Variants in KAZALD1 observed in about 807,000 individuals in gnomAD.
The protein encoded by KAZALD1 is kazal-type serine protease inhibitor domain-containing protein 1.
Under a neutral mutation model 27.7 loss-of-function variants are expected in KAZALD1, and 31 were observed. The ratio of observed to expected loss-of-function variants is 1.12; its 90% CI spans 0.84 to 1.51. The LOEUF (loss-of-function observed/expected upper bound fraction) is 1.51, where lower values mean the gene tolerates loss of function less well. KAZALD1 is among the 40% of genes most tolerant of loss of function. The pLI is 0.00. For missense variants in KAZALD1, 444 were observed against 408.9 expected (o/e 1.09, Z -0.74); for synonymous variants, 179 against 182.0 (o/e 0.98, Z 0.13).
downstream of KAZALD1, chr10:101,067,637 C>T (rs571145927): frequency 1.1e-3 from 372 of 336,344 alleles, 3 homozygotes; most frequent in Admixed American, 2.1e-3. Flanking sequence ...AGGGCCGCTT[C>T]GCCCGGCTGC....
chr10:101,064,609 C>G lies in KAZALD1; in HGVS notation c.781C>G (p.Gln261Glu). The G allele has an allele frequency of 6.2e-7, 1 of 1,613,896 alleles. No homozygotes were observed. The highest frequency in any genetic ancestry group is 2.2e-5 in the East Asian group (1 of 44,876). Residue 261 changes from glutamine (Q) to glutamate (E), a missense_variant, in exon 4 of 5, where the codon CAA becomes GAA. Physicochemically the swap from Gln to Glu is conservative, Grantham distance 29 (BLOSUM62 2). Coordinates refer to ENST00000370200, the MANE Select transcript of KAZALD1 (RefSeq NM_030929.5). The stretch of plus-strand genomic sequence containing the variant: ...CTGCCTTGGCCGCAATGCCCTGGGT[C>G]AAGTGGAGGCCCCTGCTAGCTTGAC... ...YRCLGRNALG[Q>E]VEAPASLTVL...
rs771851844 is a variant in KAZALD1 at position 101,064,594 on chromosome 10, C to T, written c.766C>T (p.Arg256Cys). ...SDEGTYRCLGRNALGQVEAPA... is the reference protein window; with the variant it reads ...SDEGTYRCLGCNALGQVEAPA... ...TGAGGGCACTTACCGCTGCCTTGGC[C>T]GCAATGCCCTGGGTCAAGTGGAGGC... The change falls in exon 4 of 5, where the codon CGC becomes TGC. Residue 256 changes from arginine to cysteine, a missense_variant. Transcript: ENST00000370200. 3.0e-5 allele frequency: 48 copies of T among 1,613,920 alleles called. No homozygotes were observed. The highest frequency in any genetic ancestry group is 3.3e-4 in the Middle Eastern group (2 of 5,976).
At chr10:101,063,971 G>A (rs1416547272) in intron 2 of KAZALD1, among the ~76,000 whole-genome samples, 2 of 152,252 alleles carry the variant, frequency 1.3e-5, no homozygotes, top group African/African-American at 4.8e-5. Context: ...TGGCTGCCAA[G>A]CTACAATGTA....
chr10:101,065,009 T>C lies in KAZALD1; in HGVS notation c.*89T>C. Reference sequence around the variant, plus strand: ...GACCTGGAAAGGGGAGCAGGGTCCCTTCATCGACTGCTTTCATGCTGTCAG... The same window carrying C: ...GACCTGGAAAGGGGAGCAGGGTCCCCTCATCGACTGCTTTCATGCTGTCAG... On this transcript the variant is annotated 3_prime_UTR_variant, in exon 5 of 5. Coordinates refer to ENST00000370200, the MANE Select transcript of KAZALD1 (RefSeq NM_030929.5). The C allele has an allele frequency of 1.1e-6, 1 of 882,858 alleles. No homozygotes were observed. The highest frequency in any genetic ancestry group is 1.9e-6 in the Non-Finnish European group (1 of 540,080). 54.7% of individuals were successfully genotyped at this position (882,858 alleles called of 1,614,324 possible). A position where few individuals can be genotyped will look rare whatever the true frequency, so the allele number is the denominator to read the frequency against.
At position 101,065,796 on chromosome 10, in the gene KAZALD1, C is replaced by T. The variant is rs190049505; in HGVS notation, c.*876C>T. Among the ~76,000 whole-genome samples, 25 of 152,362 alleles carry T rather than the reference C, an allele frequency of 1.6e-4. No individual in the cohort carries two copies. The East Asian group carries it at 2.5e-3, about 15-fold the overall frequency. ...ATGGCTGGAGGGAAGTTATCTTCCCCGTCTGCCCTCCATTGGGGCTGATAT... is the reference window on the plus strand; with the variant it reads ...ATGGCTGGAGGGAAGTTATCTTCCCTGTCTGCCCTCCATTGGGGCTGATAT... On this transcript the variant is annotated 3_prime_UTR_variant, in exon 5 of 5. Transcript: ENST00000370200.
chr10:101,064,575 C>A lies in KAZALD1; in HGVS notation c.747C>A (p.Gly249=), dbSNP rs752043343. 2 of 1,614,096 alleles carry A rather than the reference C, an allele frequency of 1.2e-6. No homozygotes were observed. Among genetic ancestry groups the A allele is most frequent in the South Asian group, 2.2e-5 (2 of 91,078 alleles). The part of the protein sequence containing the change: ...QIQAVRPSDE[G]TYRCLGRNAL... The stretch of plus-strand genomic sequence containing the variant: ...AGGCTGTGCGTCCCAGTGATGAGGG[C>A]ACTTACCGCTGCCTTGGCCGCAATG... Residue 249 remains glycine, a synonymous_variant, in exon 4 of 5, where the codon GGC becomes GGA. Coordinates refer to ENST00000370200, the MANE Select transcript of KAZALD1 (RefSeq NM_030929.5).
At chr10:101,067,586 GA>G, downstream of KAZALD1, 1 of 340,088 alleles carries the variant, frequency 2.9e-6, no homozygotes, top group Non-Finnish European at 5.8e-6. Flanking sequence ...GGGGCTGTCT[GA>G]AAATGACCCT....
At chr10:101,063,564 A>G (rs143225479) in intron 2 of KAZALD1, among the ~76,000 whole-genome samples, 1 of 152,286 alleles carries the variant, frequency 6.6e-6, no homozygotes, top group East Asian at 1.9e-4. Context: ...TTTAGGGATT[A>G]GTGAAGGGGA....
intron 4 of KAZALD1, 55 bp downstream of exon 4, chr10:101,064,703 T>C (rs1200964568): frequency 2.0e-5 from 32 of 1,610,446 alleles, no homozygotes; most frequent in Admixed American, 3.3e-5. Flanking sequence ...ATTCCAGTTG[T>C]GAATGTGTAA....
rs149170497 is a variant in KAZALD1, at chr10:101,063,425, A to C, written c.511+322A>C. ...GGCACATAACCTATGGTTTGCTCAG[A>C]GACCCCCCCGACTTTTCCCAGACCA... On this transcript the variant is annotated intron_variant, in intron 2 of 4. Coordinates refer to ENST00000370200, the MANE Select transcript of KAZALD1 (RefSeq NM_030929.5). Among the ~76,000 whole-genome samples the C allele has an allele frequency of 4.2e-3, 645 of 152,282 alleles. 2 individuals are homozygous for C. The highest frequency in any genetic ancestry group is 6.7e-3 in the Non-Finnish European group (455 of 68,016).
chr10:101,063,140 G>A, intron 2 of KAZALD1, 37 bp downstream of exon 2: 2 of 1,481,662 alleles, frequency 1.3e-6, no homozygotes, highest in Non-Finnish European at 8.9e-7. Flanking sequence ...CAGCACTTAG[G>A]TTTCCTAGAG....
At chr10:101,062,260 C>A in intron 1 of KAZALD1, 145 bp downstream of exon 1, 1 of 354,850 alleles carries the variant, frequency 2.8e-6, no homozygotes, top group Non-Finnish European at 5.1e-6. Flanking sequence ...TCGGGTGGTG[C>A]ACGGAAGTGG....
chr10:101,062,755 C>G lies in KAZALD1; in HGVS notation c.163C>G (p.Pro55Ala). 6.5e-7 allele frequency: 1 copy of G among 1,546,842 alleles called. No individual in the cohort carries two copies. Among genetic ancestry groups the G allele is most frequent in the Non-Finnish European group, 8.6e-7 (1 of 1,156,088 alleles). Residue 55 changes from proline to alanine, a missense_variant, in exon 2 of 5, where the codon CCC becomes GCC. By Grantham distance (27) the Pro-to-Ala change is conservative (BLOSUM62 -1). Coordinates refer to ENST00000370200, the MANE Select transcript of KAZALD1 (RefSeq NM_030929.5). Reference protein sequence around the residue: ...RLLAEGEGCAPCRPEECAAPR... With the variant: ...RLLAEGEGCAACRPEECAAPR... Reference sequence around the variant, plus strand: ...GCTAGCGGAGGGCGAGGGCTGCGCTCCCTGCCGGCCAGAAGAGTGCGCCGC... The same window carrying G: ...GCTAGCGGAGGGCGAGGGCTGCGCTGCCTGCCGGCCAGAAGAGTGCGCCGC...
intron 4 of KAZALD1, 32 bp from the exon 5 acceptor site, chr10:101,064,794 G>C (rs752369835): frequency 1.9e-6 from 3 of 1,609,750 alleles, no homozygotes; most frequent in Non-Finnish European, 2.6e-6. Context: ...CCTCTCTCCT[G>C]TTCTCTCTTC....
chr10:101,064,214 C>G (rs1318875671), intron 2 of KAZALD1, 47 bp from the exon 3 acceptor site: 5 of 1,606,682 alleles, frequency 3.1e-6, no homozygotes, highest in East Asian at 2.2e-5. Context: ...AGACTGGATG[C>G]CTTTGCTGGG....
downstream of KAZALD1, chr10:101,067,455 C>T (rs1158428945): frequency 7.9e-6 from 3 of 378,616 alleles, no homozygotes; most frequent in East Asian, 2.2e-4. Flanking sequence ...TCCGTCGGAC[C>T]AGCTCCTCCC....
chr10:101,064,622 C>T lies in KAZALD1; in HGVS notation c.794C>T (p.Pro265Leu), dbSNP rs763412141. The change falls in exon 4 of 5, where the codon CCT becomes CTT. Residue 265 changes from proline to leucine, a missense_variant. Pro to Leu is a moderately conservative substitution (Grantham distance 98). Coordinates refer to ENST00000370200, the MANE Select transcript of KAZALD1 (RefSeq NM_030929.5). The stretch of plus-strand genomic sequence containing the variant: ...AATGCCCTGGGTCAAGTGGAGGCCC[C>T]TGCTAGCTTGACAGTGCTCACACCT... ...GRNALGQVEA[P>L]ASLTVLTPDQ... is the part of the protein sequence containing the mutation. The T allele has an allele frequency of 3.7e-6, 6 of 1,613,768 alleles. No individual in the cohort carries two copies. The highest frequency in any genetic ancestry group is 2.2e-5 in the South Asian group (2 of 91,068).
chr10:101,067,119 G>C (rs950703814), downstream of KAZALD1: 1 of 350,598 alleles, frequency 2.9e-6, no homozygotes, highest in African/African-American at 2.1e-5. Flanking sequence ...ATTTCCCGCT[G>C]CTCCCGGGGG....
chr10:101,066,235 C>G lies in KAZALD1; in HGVS notation c.*1315C>G, dbSNP rs923617650. On this transcript the variant is annotated 3_prime_UTR_variant, in exon 5 of 5. Transcript: ENST00000370200. ...CTACACGCCAGGGCTCCACCCGGAT[C>G]CTGGCGCCACTGCGGGAGGGCCTGC... 1 of 356,966 alleles carries G rather than the reference C, an allele frequency of 2.8e-6. No homozygotes were observed. Among genetic ancestry groups the G allele is most frequent in the African/African-American group, 2.1e-5 (1 of 47,150 alleles). The allele number at this position is 356,966 out of a possible 1,614,324, so 22.1% of individuals were successfully genotyped here.
Sources: gnomAD v4.1 joint callset for allele counts (sites outside exome capture counted in the v4.1 genomes callset) on GRCh38, gnomAD v4.1.1 for gene constraint, MANE v1.5 for transcripts, NCBI Gene and HGNC (gene_info 2026-07-23, HGNC 2026-07-21) for gene names.